The following GSDMC variants were observed in gnomAD, a reference collection of about 807,000 sequenced individuals.
GSDMC encodes gasdermin C.
In GSDMC, 59 loss-of-function variants were observed where a neutral mutation model predicts 58.0. That is an observed-to-expected ratio of 1.02 (90% CI 0.82 to 1.26). The LOEUF (loss-of-function observed/expected upper bound fraction) is 1.26. Among genes scored for constraint, GSDMC ranks in the 50% most tolerant of loss-of-function variants. The pLI is 0.00. For missense variants in GSDMC, 659 were observed against 598.5 expected, an observed-to-expected ratio of 1.10 and a Z score of -1.06; for synonymous variants, 241 against 220.2, an observed-to-expected ratio of 1.09 and a Z score of -0.83.
At chr8:129,763,634 T>C (rs1202748208) in intron 4 of GSDMC, among the ~76,000 whole-genome samples, 2 of 152,188 alleles carry the variant, frequency 1.3e-5, no homozygotes, top group East Asian at 1.9e-4. Flanking sequence ...TGGAATGCAG[T>C]GGCACAATCA....
downstream of GSDMC, among the ~76,000 whole-genome samples, chr8:129,746,129 A>G (rs1048302224): frequency 6.6e-6 from 1 of 152,198 alleles, no homozygotes; most frequent in African/African-American, 2.4e-5. Context: ...CACTACAGGA[A>G]AAGAAGAGAG....
At chr8:129,762,479 T>C (rs577910924) in intron 5 of GSDMC, 147 bp downstream of exon 5, 6 of 691,486 alleles carry the variant, frequency 8.7e-6, no homozygotes, top group Non-Finnish European at 1.6e-5. Context: ...GTGTGTGCCC[T>C]GGACAGTAAG....
At chr8:129,761,671 C>T (rs1481013428) in intron 5 of GSDMC, among the ~76,000 whole-genome samples, 3 of 152,236 alleles carry the variant, frequency 2.0e-5, no homozygotes, top group East Asian at 3.9e-4. Flanking sequence ...TTGATAGTGC[C>T]ACCATCTCCT....
intron 5 of GSDMC, 55 bp from the exon 6 acceptor site, chr8:129,760,644 C>T (rs2130430202): frequency 1.2e-4 from 60 of 520,536 alleles, no homozygotes; most frequent in Non-Finnish European, 1.6e-4. Flanking sequence ...CCTGCCTGAA[C>T]CTAGACCAGG....
the GSDMC span, among the ~76,000 whole-genome samples, chr8:129,724,785 T>C: frequency 0.011 from 1,659 of 152,174 alleles, 23 homozygotes; most frequent in African/African-American, 0.038. Context: ...CACATAATCC[T>C]CCTCCCTTAC....
At chr8:129,732,256 A>G in the GSDMC span, among the ~76,000 whole-genome samples, 1 of 151,604 alleles carries the variant, frequency 6.6e-6, no homozygotes, top group African/African-American at 2.4e-5. Flanking sequence ...ATCCTCCAGA[A>G]CTGTGAGAAA....
the GSDMC span, among the ~76,000 whole-genome samples, chr8:129,727,933 C>T: frequency 1.3e-5 from 2 of 152,148 alleles, no homozygotes; most frequent in Admixed American, 6.5e-5. Context: ...CAACCTGGAA[C>T]CCCCCTGCAT....
chr8:129,753,299 T>C (rs2033291028), intron 6 of GSDMC, among the ~76,000 whole-genome samples: 1 of 152,156 alleles, frequency 6.6e-6, no homozygotes, highest in Admixed American at 6.5e-5. Flanking sequence ...GCATCGTGGA[T>C]ATCACCTCAG....
At chr8:129,731,641 T>C in the GSDMC span, among the ~76,000 whole-genome samples, 1 of 152,180 alleles carries the variant, frequency 6.6e-6, no homozygotes, top group Non-Finnish European at 1.5e-5. Flanking sequence ...ACAGTCTTTT[T>C]TCTCTTCAGC....
chr8:129,747,327 A>T (rs2032985699), downstream of GSDMC, among the ~76,000 whole-genome samples: 1 of 151,942 alleles, frequency 6.6e-6, no homozygotes, highest in Non-Finnish European at 1.5e-5. Context: ...ACTCCTTGGC[A>T]ATTTACAAAT....
chr8:129,750,512 T>G lies in GSDMC; in HGVS notation c.1002A>C (p.Ser334=). The change falls in exon 11 of 14, where the codon TCA becomes TCC. Residue 334 remains serine, a synonymous_variant. Transcript: ENST00000276708. Reference sequence around the variant, plus strand: ...AGAACATGACATCCTGAACATCCTTTGAGAGCTGAGCCAGTGTCTTTATTT... The same window carrying G: ...AGAACATGACATCCTGAACATCCTTGGAGAGCTGAGCCAGTGTCTTTATTT... The part of the protein sequence containing the change: ...FQKIKTLAQL[S]KDVQDVMFYS... 6.2e-7 allele frequency: 1 copy of G among 1,613,902 alleles called. No homozygotes were observed. The highest frequency in any genetic ancestry group is 8.5e-7 in the Non-Finnish European group (1 of 1,179,736).
At chr8:129,738,177 G>A in the GSDMC span, among the ~76,000 whole-genome samples, 3 of 152,210 alleles carry the variant, frequency 2.0e-5, no homozygotes, top group Non-Finnish European at 4.4e-5. Context: ...ATAGATGCTG[G>A]AGAGGATGTG....
At position 129,777,548 on chromosome 8, in the gene GSDMC, T is replaced by C. The variant is rs138109016; in HGVS notation, c.40A>G (p.Lys14Glu). Residue 14 changes from lysine (K) to glutamate (E), a missense_variant, in exon 2 of 14, where the codon AAA (lysine) becomes GAA (glutamate). Coordinates refer to ENST00000276708, the MANE Select transcript of GSDMC (RefSeq NM_031415.3). ...MLERISKNLVKEIGSKDLTPV... is the reference protein window; with the variant it reads ...MLERISKNLVEEIGSKDLTPV... ...GTCAGGTCTTTGCTTCCAATCTCTT[T>C]GACCAAATTTTTGCTAATGCGTTCC... is the stretch of plus-strand genomic sequence containing the variant. 6 of 1,612,874 alleles carry C rather than the reference T, an allele frequency of 3.7e-6. No homozygotes were observed. The Admixed American group carries it at 6.7e-5, about 18-fold the overall frequency.
the GSDMC span, among the ~76,000 whole-genome samples, chr8:129,708,806 A>G: frequency 7.2e-5 from 11 of 152,262 alleles, no homozygotes; most frequent in South Asian, 4.1e-4. Context: ...AGTCTTCTTC[A>G]GCTGTAGGTG....
chr8:129,765,050 C>T (rs1167649124), intron 4 of GSDMC, among the ~76,000 whole-genome samples: 6 of 152,210 alleles, frequency 3.9e-5, no homozygotes, highest in Non-Finnish European at 7.3e-5. Context: ...TGTAAAAGCA[C>T]ATTATAACAC....
At chr8:129,715,737 G>A in the GSDMC span, among the ~76,000 whole-genome samples, 210 of 152,214 alleles carry the variant, frequency 1.4e-3, no homozygotes, top group African/African-American at 4.8e-3. Flanking sequence ...GTGGATCTAC[G>A]CAGTTGAAAA....
chr8:129,752,843 ATGACTGGGTAACTTTACAT>A, intron 6 of GSDMC, 23 bp from the exon 7 acceptor site: 1 of 1,613,946 alleles, frequency 6.2e-7, no homozygotes, highest in South Asian at 1.1e-5. Flanking sequence ...GGAGAGCAGA[ATGACTGGGTAACTTTACAT>A]TGAACTCAGT....
the GSDMC span, among the ~76,000 whole-genome samples, chr8:129,738,633 C>T: frequency 2.6e-5 from 4 of 151,958 alleles, no homozygotes; most frequent in Non-Finnish European, 5.9e-5. Flanking sequence ...GGGTGGGGAA[C>T]ATCACACACT....
chr8:129,749,281 A>G (rs1006292999), intron 13 of GSDMC, among the ~76,000 whole-genome samples, 171 bp downstream of exon 13: 1 of 152,142 alleles, frequency 6.6e-6, no homozygotes, highest in Admixed American at 6.5e-5. Flanking sequence ...TACCCACTGG[A>G]CCAGGTCTCC....
Sources: allele counts gnomAD v4.1 joint callset (sites outside exome capture counted in the v4.1 genomes callset), GRCh38; gene constraint gnomAD v4.1.1; transcripts MANE v1.5; gene names NCBI Gene and HGNC (gene_info 2026-07-23, HGNC 2026-07-21).